The following SSBP4 variants were observed in gnomAD, a reference collection of about 807,000 sequenced individuals.
The protein encoded by SSBP4 is single-stranded DNA-binding protein 4.
SSBP4 carries 33 observed loss-of-function variants against 64.6 expected under a neutral mutation model. The observed-to-expected ratio is 0.51, with a 90% CI of 0.39 to 0.68. The LOEUF is 0.68. Ranked by LOEUF, SSBP4 falls within the 30% of genes least tolerant of loss-of-function variation. The pLI is 0.00. For missense variants in SSBP4, 583 were observed against 566.8 expected, an observed-to-expected ratio of 1.03 and a Z score of -0.29; for synonymous variants, 243 against 224.0, an observed-to-expected ratio of 1.08 and a Z score of -0.76.
intron 10 of SSBP4, 127 bp downstream of exon 10, chr19:18,432,341 T>C (rs902200137): frequency 7.3e-7 from 1 of 1,360,582 alleles, no homozygotes. Flanking sequence ...ATGGCCACCG[T>C]TGAGGGGAAA....
chr19:18,403,341 G>A, the SSBP4 span, among the ~76,000 whole-genome samples: 9 of 152,286 alleles, frequency 5.9e-5, no homozygotes, highest in South Asian at 8.3e-4. Flanking sequence ...TATGCTGAGC[G>A]CCGGTCCCCT....
At chr19:18,419,353 G>A (rs1972257291), upstream of SSBP4, 1 of 1,021,274 alleles carries the variant, frequency 9.8e-7, no homozygotes, top group Non-Finnish European at 1.2e-6. Flanking sequence ...GGGCGGCGTA[G>A]AGGCAGCGGG....
At chr19:18,433,468 T>G in intron 15 of SSBP4, 117 bp from the exon 16 acceptor site, 1 of 1,479,522 alleles carries the variant, frequency 6.8e-7, no homozygotes, top group Non-Finnish European at 9.1e-7. Context: ...CCTGGCGGGC[T>G]GTGCGGGGCG....
chr19:18,407,014 A>G, the SSBP4 span, among the ~76,000 whole-genome samples: 1 of 151,774 alleles, frequency 6.6e-6, no homozygotes, highest in Non-Finnish European at 1.5e-5. Flanking sequence ...CCTCCTCTGT[A>G]TTTTTATATT....
At chr19:18,420,331 T>G (rs747888105) in intron 1 of SSBP4, among the ~76,000 whole-genome samples, 8 of 151,534 alleles carry the variant, frequency 5.3e-5, no homozygotes, top group Non-Finnish European at 7.4e-5. Context: ...CACTGAAGAG[T>G]GCATACTGAG....
At chr19:18,419,090 T>G, upstream of SSBP4, 2 of 985,428 alleles carry the variant, frequency 2.0e-6, no homozygotes, top group Non-Finnish European at 2.4e-6. Context: ...CTATGTTGAG[T>G]GTCGCTGCGA....
intron 4 of SSBP4, among the ~76,000 whole-genome samples, chr19:18,428,267 G>A (rs1422272263): frequency 1.3e-5 from 2 of 152,176 alleles, no homozygotes; most frequent in Non-Finnish European, 2.9e-5. Context: ...TTGGGGCACT[G>A]GGGGGTGCCA....
chr19:18,407,337 C>A, the SSBP4 span, among the ~76,000 whole-genome samples: 2 of 152,098 alleles, frequency 1.3e-5, no homozygotes, highest in South Asian at 4.1e-4. Context: ...AGCACCCAGC[C>A]CAAAGCATGA....
the SSBP4 span, among the ~76,000 whole-genome samples, chr19:18,413,245 G>T: frequency 6.6e-6 from 1 of 151,594 alleles, no homozygotes; most frequent in African/African-American, 2.4e-5. Flanking sequence ...TTCAGCAGAG[G>T]CTCCTCGGCC....
rs758218235 is a variant in SSBP4 at position 18,431,804 on chromosome 19, C to T, written c.507C>T (p.Gly169=). 1 of 1,561,672 alleles carries T rather than the reference C, an allele frequency of 6.4e-7. No homozygotes were observed. The highest frequency in any genetic ancestry group is 8.7e-7 in the Non-Finnish European group (1 of 1,152,102). ...CACCCCCTCCGCAGCCTCCCGCAGG[C>T]CTCCCTGGCTCCCAGCCCCTCCTCC... is the stretch of plus-strand genomic sequence containing the variant. ...TLRMPSQPPA[G]LPGSQPLLPG... Residue 169 remains glycine (G), a synonymous_variant, in exon 8 of 18, where the codon GGC becomes GGT. Transcript: ENST00000270061.
chr19:18,427,433 C>A lies in SSBP4; in HGVS notation c.132+10C>A. On this transcript the variant is annotated intron_variant, in intron 2 of 17. Coordinates refer to ENST00000270061, the MANE Select transcript of SSBP4 (RefSeq NM_032627.5). The surrounding 1 kb of genome is among the most constrained non-coding windows in gnomAD (Gnocchi z 4.4). ...GACCTTCCTGTCTGAGGTAAGCCAC[C>A]ACCTCCAGGCTGGCCCTCCCTCCTC... The A allele has an allele frequency of 6.2e-7, 1 of 1,608,526 alleles. No individual in the cohort carries two copies. Among genetic ancestry groups the A allele is most frequent in the African/African-American group, 1.3e-5 (1 of 75,022 alleles).
chr19:18,404,667 T>C, the SSBP4 span, among the ~76,000 whole-genome samples: 1 of 137,564 alleles, frequency 7.3e-6, no homozygotes, highest in Non-Finnish European at 1.5e-5. Flanking sequence ...CTGAGGTGGG[T>C]GGATCACAAG....
At chr19:18,405,234 T>A in the SSBP4 span, among the ~76,000 whole-genome samples, 1 of 151,932 alleles carries the variant, frequency 6.6e-6, no homozygotes, top group South Asian at 2.1e-4. Flanking sequence ...TGGAACAGGG[T>A]CAAGGGCTGC....
the SSBP4 span, among the ~76,000 whole-genome samples, chr19:18,407,893 C>T: frequency 6.6e-6 from 1 of 152,154 alleles, no homozygotes; most frequent in Non-Finnish European, 1.5e-5. Context: ...CAGGTGCACA[C>T]CACCACACCC....
chr19:18,402,878 C>T, the SSBP4 span, among the ~76,000 whole-genome samples: 3 of 152,122 alleles, frequency 2.0e-5, no homozygotes, highest in African/African-American at 4.8e-5. Context: ...CCCCCCAGCC[C>T]GACACCCGTG....
the SSBP4 span, among the ~76,000 whole-genome samples, chr19:18,405,006 A>G: frequency 6.7e-6 from 1 of 149,514 alleles, no homozygotes; most frequent in Non-Finnish European, 1.5e-5. Context: ...CGCGAAAGAA[A>G]AAAACATGGA....
At position 18,420,630 on chromosome 19, in the gene SSBP4, C is replaced by T. The variant is rs1466767495; in HGVS notation, c.59+923C>T. ...ATCCCAGCACTTTGGGAGGCCGAGG[C>T]GGTCGGATCACGAGGCCAAGAGATC... On this transcript the variant is annotated intron_variant, in intron 1 of 17. Transcript: ENST00000270061. Among the ~76,000 whole-genome samples the T allele has an allele frequency of 3.3e-5, 5 of 151,980 alleles. No individual in the cohort carries two copies. The South Asian group carries it at 1.0e-3, about 32-fold the overall frequency.
chr19:18,433,656 G>T (rs1284863545), intron 16 of SSBP4, 43 bp downstream of exon 16: 9 of 1,390,016 alleles, frequency 6.5e-6, no homozygotes, highest in African/African-American at 3.2e-5. Flanking sequence ...TCCGGGGGGG[G>T]TGGCGGGGAG....
At chr19:18,431,750 G>GAGGGAGCA (rs1380635683) in intron 7 of SSBP4, 43 bp from the exon 8 acceptor site, 2 of 1,540,136 alleles carry the variant, frequency 1.3e-6, no homozygotes, top group South Asian at 1.2e-5. Flanking sequence ...CTGGGCCGGG[G>GAGGGAGCA]AGGGAGCACC....
Sources: gnomAD v4.1 joint callset for allele counts (sites outside exome capture counted in the v4.1 genomes callset) on GRCh38, gnomAD v4.1.1 for gene constraint, Gnocchi (gnomAD v3.1) non-coding constraint, MANE v1.5 for transcripts, NCBI Gene and HGNC (gene_info 2026-07-23, HGNC 2026-07-21) for gene names.